The following SLAMF6 variants were observed in gnomAD, a reference collection of about 807,000 sequenced individuals.
SLAMF6 encodes the protein NK-T-B-antigen.
SLAMF6 carries 21 observed loss-of-function variants against 38.3 expected under a neutral mutation model. The ratio of observed to expected loss-of-function variants is 0.55; its 90% CI spans 0.39 to 0.79. SLAMF6 has a LOEUF of 0.79. Among genes scored for constraint, SLAMF6 ranks in the 30% least tolerant of loss-of-function variants. The pLI, the probability that SLAMF6 is intolerant of heterozygous loss-of-function variation, is 0.00. For missense variants in SLAMF6, 341 were observed against 385.3 expected (o/e 0.89, Z 0.96); for synonymous variants, 152 against 146.3 (o/e 1.04, Z -0.28).
In SLAMF6 at chr1:160,491,332, A is replaced by G; in HGVS notation, c.439T>C (p.Cys147Arg). Reference sequence around the variant, plus strand: ...ACAGAGCAAGTCAGATGGAGCTCACAGGTCATATTCTGAAATAGCTGACTG... The same window carrying G: ...ACAGAGCAAGTCAGATGGAGCTCACGGGTCATATTCTGAAATAGCTGACTG... ...NHSQLFQNMT[C>R]ELHLTCSVED... is the part of the protein sequence containing the mutation. The change falls in exon 3 of 8, where the codon TGT becomes CGT. Residue 147 changes from cysteine to arginine, a missense_variant. Coordinates refer to ENST00000368057, the MANE Select transcript of SLAMF6 (RefSeq NM_001184714.2). The G allele has an allele frequency of 6.2e-7, 1 of 1,614,042 alleles. No homozygotes were observed. The highest frequency in any genetic ancestry group is 8.5e-7 in the Non-Finnish European group (1 of 1,179,964).
chr1:160,498,349 C>T (rs1330987030), intron 1 of SLAMF6, among the ~76,000 whole-genome samples: 1 of 152,056 alleles, frequency 6.6e-6, no homozygotes, highest in African/African-American at 2.4e-5. Flanking sequence ...CATTTTCACA[C>T]TGCTGATAAA....
At chr1:160,503,820 A>G (rs1654036344) in intron 1 of SLAMF6, among the ~76,000 whole-genome samples, 1 of 151,982 alleles carries the variant, frequency 6.6e-6, no homozygotes, top group Non-Finnish European at 1.5e-5. Context: ...GGCAACTTAA[A>G]AATGCTAGGA....
intron 1 of SLAMF6, among the ~76,000 whole-genome samples, chr1:160,514,412 CTT>C (rs1654640620): frequency 6.6e-6 from 1 of 152,150 alleles, no homozygotes; most frequent in African/African-American, 2.4e-5. Flanking sequence ...TAGCGGGAGA[CTT>C]TAACATCCAC....
rs1229422695 is a variant in SLAMF6, at chr1:160,485,044, A to G, written c.*1663T>C. ...GTAACAGAATAATAAGATCTATTTC[A>G]TTTTATTTTATTTATTTATTTTTTG... On this transcript the variant is annotated 3_prime_UTR_variant, in exon 8 of 8. Transcript: ENST00000368057. 1 of 152,008 alleles carries G rather than the reference A, an allele frequency of 6.6e-6. No homozygotes were observed. The highest frequency in any genetic ancestry group is 1.5e-5 in the Non-Finnish European group (1 of 67,978). 9.4% of individuals were successfully genotyped at this position (152,008 alleles called of 1,614,324 possible). A position where few individuals can be genotyped will look rare whatever the true frequency, so the allele number is the denominator to read the frequency against.
intron 1 of SLAMF6, among the ~76,000 whole-genome samples, chr1:160,519,237 G>A (rs1654878991): frequency 6.6e-6 from 1 of 152,292 alleles, no homozygotes; most frequent in African/African-American, 2.4e-5. Context: ...TTGGGAAAAT[G>A]TAAATCAAAA....
intron 1 of SLAMF6, among the ~76,000 whole-genome samples, chr1:160,513,656 C>G (rs1286465237): frequency 6.6e-6 from 1 of 152,182 alleles, no homozygotes; most frequent in African/African-American, 2.4e-5. Context: ...AGAATAACAT[C>G]AGGCCTCTCA....
At chr1:160,516,612 G>A (rs1370442752) in intron 1 of SLAMF6, among the ~76,000 whole-genome samples, 1 of 152,042 alleles carries the variant, frequency 6.6e-6, no homozygotes, top group Non-Finnish European at 1.5e-5. Flanking sequence ...AATACTATAA[G>A]GCAGCAATAA....
chr1:160,487,245 G>A (rs1037159596), intron 6 of SLAMF6, 70 bp from the exon 7 acceptor site: 1 of 1,350,606 alleles, frequency 7.4e-7, no homozygotes, highest in Non-Finnish European at 1.0e-6. Flanking sequence ...ATATTCTTAG[G>A]AAAGACTGTG....
chr1:160,488,575 G>A (rs1653093035), intron 6 of SLAMF6, among the ~76,000 whole-genome samples: 1 of 152,126 alleles, frequency 6.6e-6, no homozygotes. Context: ...GATGAGAGGG[G>A]AGGGGTGAAC....
intron 1 of SLAMF6, among the ~76,000 whole-genome samples, chr1:160,522,714 G>A (rs185109038): frequency 1.7e-4 from 26 of 152,030 alleles, no homozygotes; most frequent in Admixed American, 1.4e-3. Flanking sequence ...CTGAATAATA[G>A]GTTTTTAATA....
At chr1:160,512,341 T>C (rs1278963191) in intron 1 of SLAMF6, among the ~76,000 whole-genome samples, 2 of 152,182 alleles carry the variant, frequency 1.3e-5, no homozygotes. Flanking sequence ...CAAGGGTTTA[T>C]GGACAGAACC....
intron 1 of SLAMF6, among the ~76,000 whole-genome samples, chr1:160,504,339 A>G: frequency 6.6e-6 from 1 of 152,122 alleles, no homozygotes; most frequent in East Asian, 1.9e-4. Flanking sequence ...GACTAGGGTA[A>G]CCATTTCACT....
At chr1:160,513,638 A>T (rs1221668546) in intron 1 of SLAMF6, among the ~76,000 whole-genome samples, 1 of 152,228 alleles carries the variant, frequency 6.6e-6, no homozygotes, top group Non-Finnish European at 1.5e-5. Flanking sequence ...TACAAAGGGA[A>T]GCCCATCAGA....
At chr1:160,499,710 C>T (rs2102034013) in intron 1 of SLAMF6, among the ~76,000 whole-genome samples, 1 of 152,048 alleles carries the variant, frequency 6.6e-6, no homozygotes, top group South Asian at 2.1e-4. Flanking sequence ...GTTGTCATTT[C>T]TGAGGGTTTC....
chr1:160,496,189 C>T lies in SLAMF6; in HGVS notation c.254G>A (p.Arg85Gln). Residue 85 changes from arginine to glutamine, a missense_variant, in exon 2 of 8, where the codon CGA becomes CAA. By Grantham distance (43) the Arg-to-Gln change is conservative. Coordinates refer to ENST00000368057, the MANE Select transcript of SLAMF6 (RefSeq NM_001184714.2). ...GGAGTAGGACTGGGTGAAGTTCAGT[C>T]GCTTTCCCTGTTTCGGATTAGTCAC... ...IHVTNPKQGK[R>Q]LNFTQSYSLQ... 1.9e-6 allele frequency: 3 copies of T among 1,613,852 alleles called. No individual in the cohort carries two copies. Among genetic ancestry groups the T allele is most frequent in the South Asian group, 2.2e-5 (2 of 91,070 alleles).
At chr1:160,491,003 G>C in intron 3 of SLAMF6, 122 bp downstream of exon 3, 2 of 1,259,806 alleles carry the variant, frequency 1.6e-6, no homozygotes, top group South Asian at 1.4e-5. Context: ...GAGGGCATCT[G>C]TCCCCTCCCA....
intron 1 of SLAMF6, 53 bp from the exon 2 acceptor site, chr1:160,496,446 A>G (rs1653586763): frequency 1.9e-6 from 3 of 1,568,050 alleles, no homozygotes; most frequent in Admixed American, 1.7e-5. Context: ...TCTCCCTGCC[A>G]AGTCCTGCAC....
chr1:160,507,497 A>G (rs765016786), intron 1 of SLAMF6, among the ~76,000 whole-genome samples: 3 of 152,148 alleles, frequency 2.0e-5, no homozygotes, highest in African/African-American at 7.2e-5. Flanking sequence ...GAGAAGATCA[A>G]TAAGGAAATA....
At chr1:160,497,470 A>C (rs9970651) in intron 1 of SLAMF6, among the ~76,000 whole-genome samples, 5,531 of 152,260 alleles carry the variant, frequency 0.036, 118 homozygotes, top group Middle Eastern at 0.075. Flanking sequence ...TAACTATAAC[A>C]ATTACCTCAA....
Sources: allele counts gnomAD v4.1 joint callset (sites outside exome capture counted in the v4.1 genomes callset), GRCh38; gene constraint gnomAD v4.1.1; transcripts MANE v1.5; gene names NCBI Gene and HGNC (gene_info 2026-07-23, HGNC 2026-07-21).